The following LRRC4C variants were observed in gnomAD, a reference collection of about 807,000 sequenced individuals.
The protein encoded by LRRC4C is leucine-rich repeat-containing protein 4C.
In LRRC4C, 5 loss-of-function variants were observed where a neutral mutation model predicts 33.6. The ratio of observed to expected loss-of-function variants is 0.15; its 90% CI spans 0.08 to 0.31. The LOEUF (loss-of-function observed/expected upper bound fraction) is 0.31. LRRC4C is among the 10% of genes least tolerant of loss of function. The pLI, the probability that LRRC4C is intolerant of heterozygous loss-of-function variation, is 1.00. For missense variants in LRRC4C, 560 were observed against 796.7 expected (o/e 0.70, Z 3.58); for synonymous variants, 329 against 302.0 (o/e 1.09, Z -0.93).
chr11:40,936,304 T>G (rs1957893646), intron 1 of LRRC4C, among the ~76,000 whole-genome samples: 1 of 150,266 alleles, frequency 6.7e-6, no homozygotes, highest in Admixed American at 6.7e-5. Context: ...TAATAATGAA[T>G]TTAATAATAG....
At chr11:41,012,869 G>A (rs1855308439) in intron 1 of LRRC4C, among the ~76,000 whole-genome samples, 1 of 151,926 alleles carries the variant, frequency 6.6e-6, no homozygotes, top group African/African-American at 2.4e-5. Context: ...TATACCTATT[G>A]GCCATCTGTA....
intron 3 of LRRC4C, among the ~76,000 whole-genome samples, chr11:40,399,422 C>T (rs949411014): frequency 1.3e-5 from 2 of 151,898 alleles, no homozygotes; most frequent in African/African-American, 4.8e-5. Context: ...TCTCAGTAAA[C>T]TATCACAAGG....
intron 1 of LRRC4C, among the ~76,000 whole-genome samples, chr11:41,270,118 C>T (rs1270649656): frequency 6.6e-6 from 1 of 152,060 alleles, no homozygotes; most frequent in Non-Finnish European, 1.5e-5. Flanking sequence ...ATACAAGCTA[C>T]AGCATAGGGC....
chr11:41,347,668 C>A (rs1262752105), intron 1 of LRRC4C, among the ~76,000 whole-genome samples: 1 of 151,926 alleles, frequency 6.6e-6, no homozygotes, highest in Non-Finnish European at 1.5e-5. Flanking sequence ...TTTTAAAATG[C>A]AGAGTTACAT....
intron 3 of LRRC4C, among the ~76,000 whole-genome samples, chr11:40,587,880 C>G (rs12273483): frequency 0.31 from 47,721 of 151,832 alleles, 7,635 homozygotes; most frequent in Middle Eastern, 0.38. Flanking sequence ...CGTTTTGCCA[C>G]TATTTTATTG....
chr11:41,437,390 G>A lies in LRRC4C; in HGVS notation c.-496+22041C>T, dbSNP rs575126939. On this transcript the variant is annotated intron_variant, in intron 1 of 6. Coordinates refer to ENST00000528697, the MANE Select transcript of LRRC4C (RefSeq NM_001258419.2). ...ACAAAACCTCTCTCTTGCTCATTAA[G>A]ACACACACGCACACACACAAACGCG... 3.4e-5 allele frequency among the ~76,000 whole-genome samples: 5 copies of A among 147,654 alleles called. No individual in the cohort carries two copies. The South Asian group carries it at 1.1e-3, about 31-fold the overall frequency.
chr11:40,911,571 G>C (rs1565194664), intron 2 of LRRC4C, among the ~76,000 whole-genome samples: 1 of 152,100 alleles, frequency 6.6e-6, no homozygotes, highest in Non-Finnish European at 1.5e-5. Context: ...AAGACCAAAT[G>C]CAGATAAAAC....
At chr11:40,138,414 T>C (rs774766100) in intron 6 of LRRC4C, among the ~76,000 whole-genome samples, 2 of 152,208 alleles carry the variant, frequency 1.3e-5, no homozygotes, top group African/African-American at 2.4e-5. Flanking sequence ...CAACTTGTTT[T>C]CCTCATTTCT....
chr11:40,886,544 TTCTC>T (rs575029036), intron 2 of LRRC4C, among the ~76,000 whole-genome samples: 21 of 151,184 alleles, frequency 1.4e-4, no homozygotes, highest in African/African-American at 4.9e-4. Context: ...CAAAAGGGAG[TTCTC>T]TCTTTTTTTT....
chr11:41,194,036 C>T (rs1946078075), intron 1 of LRRC4C, among the ~76,000 whole-genome samples: 1 of 151,982 alleles, frequency 6.6e-6, no homozygotes, highest in Non-Finnish European at 1.5e-5. Context: ...ACCAACCTCT[C>T]CTCTTCAGCC....
At chr11:40,586,240 T>C (rs2135694917) in intron 3 of LRRC4C, among the ~76,000 whole-genome samples, 1 of 152,214 alleles carries the variant, frequency 6.6e-6, no homozygotes, top group African/African-American at 2.4e-5. Flanking sequence ...ATGAACATTT[T>C]TTCATGTGTT....
At chr11:41,214,597 A>G (rs1946963021) in intron 1 of LRRC4C, among the ~76,000 whole-genome samples, 2 of 144,958 alleles carry the variant, frequency 1.4e-5, no homozygotes, top group Non-Finnish European at 3.0e-5. Context: ...AAAAAAAAAA[A>G]AAATTAGCCG....
intron 4 of LRRC4C, among the ~76,000 whole-genome samples, chr11:40,298,116 T>C (rs571308400): frequency 6.6e-6 from 1 of 152,294 alleles, no homozygotes; most frequent in South Asian, 2.1e-4. Context: ...ACTATTCTTT[T>C]CACTGTGGTG....
intron 4 of LRRC4C, among the ~76,000 whole-genome samples, chr11:40,313,586 A>T (rs11035776): frequency 0.41 from 58,094 of 142,088 alleles, 13,107 homozygotes; most frequent in African/African-American, 0.55. Context: ...AAAACATGCT[A>T]GGAGGGGAAA....
chr11:41,290,696 C>T (rs1949967820), intron 1 of LRRC4C, among the ~76,000 whole-genome samples: 1 of 152,016 alleles, frequency 6.6e-6, no homozygotes, highest in Non-Finnish European at 1.5e-5. Flanking sequence ...AAAAACTCTC[C>T]CCTCATTCTA....
At chr11:40,603,997 C>T (rs1182085695) in intron 3 of LRRC4C, among the ~76,000 whole-genome samples, 1 of 152,030 alleles carries the variant, frequency 6.6e-6, no homozygotes, top group Non-Finnish European at 1.5e-5. Flanking sequence ...ACTGTATAGA[C>T]GTTGGGTCAT....
intron 1 of LRRC4C, among the ~76,000 whole-genome samples, chr11:41,130,947 CT>C (rs1229581865): frequency 1.3e-5 from 2 of 151,784 alleles, no homozygotes; most frequent in East Asian, 1.9e-4. Flanking sequence ...AGAGAAAAAT[CT>C]TTTTTTTGCA....
intron 2 of LRRC4C, among the ~76,000 whole-genome samples, chr11:40,696,288 A>ATATATATG (rs1945509651): frequency 8.0e-6 from 1 of 125,604 alleles, no homozygotes; most frequent in African/African-American, 3.4e-5. Flanking sequence ...CCACATATAT[A>ATATATATG]TATATATATA....
At chr11:41,160,450 A>G (rs1020713436) in intron 1 of LRRC4C, among the ~76,000 whole-genome samples, 5 of 152,062 alleles carry the variant, frequency 3.3e-5, no homozygotes, top group Non-Finnish European at 7.4e-5. Context: ...TTTTACCACT[A>G]GAAATTTTTA....
Sources: gnomAD v4.1 joint callset for allele counts (sites outside exome capture counted in the v4.1 genomes callset) on GRCh38, gnomAD v4.1.1 for gene constraint, MANE v1.5 for transcripts, NCBI Gene and HGNC (gene_info 2026-07-23, HGNC 2026-07-21) for gene names.